Variants in RAB38 observed in about 807,000 individuals in gnomAD.
RAB38 encodes the protein RAB38, member RAS oncogene family.
In RAB38, 15 loss-of-function variants were observed where a neutral mutation model predicts 18.4. That is an observed-to-expected ratio of 0.82 (90% CI 0.55 to 1.26). The LOEUF (loss-of-function observed/expected upper bound fraction) is 1.26. Among genes scored for constraint, RAB38 ranks in the 50% most tolerant of loss-of-function variants. RAB38 has a pLI of 0.00. For synonymous variants in RAB38, 101 were observed against 104.4 expected (o/e 0.97, Z 0.20); for missense variants, 294 against 267.4 (o/e 1.10, Z -0.69).
chr11:88,070,052 C>G, the RAB38 span, among the ~76,000 whole-genome samples: 3 of 152,200 alleles, frequency 2.0e-5, no homozygotes, highest in African/African-American at 7.2e-5. Flanking sequence ...GCAACCTGCT[C>G]TGGGTCCCCT....
At chr11:87,937,774 T>C in the RAB38 span, among the ~76,000 whole-genome samples, 2 of 152,034 alleles carry the variant, frequency 1.3e-5, no homozygotes, top group Non-Finnish European at 1.5e-5. Flanking sequence ...TTCTTCATAA[T>C]ATCTTCTATT....
the RAB38 span, among the ~76,000 whole-genome samples, chr11:87,847,663 C>G: frequency 6.6e-6 from 1 of 152,054 alleles, no homozygotes; most frequent in Non-Finnish European, 1.5e-5. Context: ...ACACAGGAGA[C>G]TGCAGCAGAA....
the RAB38 span, among the ~76,000 whole-genome samples, chr11:88,097,646 G>C: frequency 6.6e-6 from 1 of 151,826 alleles, no homozygotes; most frequent in Admixed American, 6.6e-5. Context: ...ACTACAGAAA[G>C]AATTCGAGTT....
the RAB38 span, among the ~76,000 whole-genome samples, chr11:87,819,448 AG>A: frequency 6.6e-6 from 1 of 152,158 alleles, no homozygotes. Flanking sequence ...GTTACATAAC[AG>A]GATTTTTTTT....
chr11:87,917,326 T>C, the RAB38 span, among the ~76,000 whole-genome samples: 1 of 151,978 alleles, frequency 6.6e-6, no homozygotes, highest in Non-Finnish European at 1.5e-5. Flanking sequence ...AGATATCTGG[T>C]TCTAGCACAC....
At chr11:87,897,205 G>A in the RAB38 span, among the ~76,000 whole-genome samples, 2 of 151,458 alleles carry the variant, frequency 1.3e-5, no homozygotes, top group Non-Finnish European at 3.0e-5. Flanking sequence ...CATCCTTCCT[G>A]GTAACCTCTC....
At chr11:88,029,493 T>C in the RAB38 span, among the ~76,000 whole-genome samples, 1 of 152,110 alleles carries the variant, frequency 6.6e-6, no homozygotes, top group Non-Finnish European at 1.5e-5. Context: ...CCATCTCACA[T>C]GCAGAGACAC....
At chr11:88,023,894 T>A in the RAB38 span, among the ~76,000 whole-genome samples, 87 of 152,234 alleles carry the variant, frequency 5.7e-4, no homozygotes, top group Non-Finnish European at 1.0e-3. Context: ...AAAAATCAAA[T>A]CAAAATGAAT....
chr11:87,890,533 T>TA, the RAB38 span, among the ~76,000 whole-genome samples: 7 of 151,890 alleles, frequency 4.6e-5, no homozygotes, highest in Non-Finnish European at 8.8e-5. Context: ...TTCTTTATGC[T>TA]ATGGAATAAA....
intron 1 of RAB38, among the ~76,000 whole-genome samples, chr11:88,154,723 A>C (rs1175302346): frequency 1.3e-5 from 2 of 152,204 alleles, no homozygotes; most frequent in Non-Finnish European, 2.9e-5. Context: ...GACCTGCACC[A>C]GTCTTCCTGT....
chr11:88,119,751 T>G (rs936689584), intron 2 of RAB38, among the ~76,000 whole-genome samples: 1 of 151,822 alleles, frequency 6.6e-6, no homozygotes, highest in African/African-American at 2.4e-5. Context: ...TCCCATAATC[T>G]TTCCAAATAC....
At chr11:88,076,525 A>T in the RAB38 span, among the ~76,000 whole-genome samples, 10 of 152,320 alleles carry the variant, frequency 6.6e-5, no homozygotes, top group African/African-American at 2.4e-4. Context: ...AGAAAAACTT[A>T]AAGACTCCAT....
the RAB38 span, among the ~76,000 whole-genome samples, chr11:88,087,094 T>C: frequency 6.6e-6 from 1 of 151,816 alleles, no homozygotes; most frequent in South Asian, 2.1e-4. Context: ...GTTGGTTCTG[T>C]TTTGCCACTG....
intron 1 of RAB38, among the ~76,000 whole-genome samples, chr11:88,174,823 G>A (rs1222995509): frequency 6.6e-6 from 1 of 152,202 alleles, no homozygotes; most frequent in African/African-American, 2.4e-5. Flanking sequence ...GGAAGGACGT[G>A]CGTGACACTG....
At chr11:87,892,684 T>C in the RAB38 span, among the ~76,000 whole-genome samples, 30 of 151,924 alleles carry the variant, frequency 2.0e-4, no homozygotes, top group East Asian at 5.5e-3. Flanking sequence ...ACTTCTTACT[T>C]TGTCTACTGG....
chr11:87,804,105 T>A, the RAB38 span, among the ~76,000 whole-genome samples: 11 of 152,232 alleles, frequency 7.2e-5, no homozygotes, highest in African/African-American at 2.7e-4. Context: ...ACTCTTCCTT[T>A]TGGTAAATAG....
chr11:87,883,991 T>C, the RAB38 span, among the ~76,000 whole-genome samples: 19 of 151,966 alleles, frequency 1.3e-4, no homozygotes, highest in Non-Finnish European at 1.5e-5. Context: ...TGATCGGTTA[T>C]GGCAGAAATA....
At chr11:87,872,254 A>G in the RAB38 span, among the ~76,000 whole-genome samples, 1 of 151,514 alleles carries the variant, frequency 6.6e-6, no homozygotes, top group African/African-American at 2.4e-5. Flanking sequence ...GAGACTATTC[A>G]GCTTTTTGTC....
chr11:88,049,519 G>A, the RAB38 span, among the ~76,000 whole-genome samples: 1 of 149,674 alleles, frequency 6.7e-6, no homozygotes, highest in African/African-American at 2.5e-5. Flanking sequence ...CCCCACCCCT[G>A]TCTCCCTTCG....
Sources: allele counts gnomAD v4.1 joint callset (sites outside exome capture counted in the v4.1 genomes callset), GRCh38; gene constraint gnomAD v4.1.1; transcripts MANE v1.5; gene names NCBI Gene and HGNC (gene_info 2026-07-23, HGNC 2026-07-21).